Variants in ADGRA2 observed in about 807,000 individuals in gnomAD.
ADGRA2 encodes the protein adhesion G protein-coupled receptor A2.
Under a neutral mutation model 98.7 loss-of-function variants are expected in ADGRA2, and 61 were observed. The ratio of observed to expected loss-of-function variants is 0.62; its 90% CI spans 0.50 to 0.76. ADGRA2 has a LOEUF of 0.76. Ranked by LOEUF, ADGRA2 falls within the 30% of genes least tolerant of loss-of-function variation. The pLI is 0.00. For synonymous variants in ADGRA2, 858 were observed against 831.5 expected (o/e 1.03, Z -0.55); for missense variants, 1,712 against 1,860.0 (o/e 0.92, Z 1.46).
chr8:37,831,442 A>G lies in ADGRA2; in HGVS notation c.952A>G (p.Ile318Val), dbSNP rs772469906. ...CCGCAGTGAGCTGACGCTGTCTCAC[A>G]TCGGCGTGTGGGCCTCAGGCGAGTG... ...FITSELTLSH[I>V]GVWASGEWEC... is the part of the protein sequence containing the mutation. The change falls in exon 8 of 19, where the codon ATC (isoleucine) becomes GTC (valine). Residue 318 changes from isoleucine to valine, a missense_variant. Physicochemically the swap from Ile to Val is conservative, Grantham distance 29. Transcript: ENST00000412232. 6 of 1,612,150 alleles carry G rather than the reference A, an allele frequency of 3.7e-6. No homozygotes were observed. Among genetic ancestry groups the G allele is most frequent in the Non-Finnish European group, 4.2e-6 (5 of 1,180,004 alleles).
intron 2 of ADGRA2, among the ~76,000 whole-genome samples, chr8:37,817,463 A>G (rs1805013066): frequency 6.8e-6 from 1 of 146,542 alleles, no homozygotes; most frequent in Non-Finnish European, 1.5e-5. Flanking sequence ...GTAATTCCAA[A>G]GCTTTGGGAG....
Position 37,797,121 on chromosome 8 carries a change from A to C in ADGRA2, c.-148A>C. 3.2e-4 allele frequency: 121 copies of C among 376,426 alleles called. No individual in the cohort carries two copies. The highest frequency in any genetic ancestry group is 2.7e-4 in the Non-Finnish European group (68 of 252,232). 23.3% of individuals were successfully genotyped at this position (376,426 alleles called of 1,614,324 possible). A position where few individuals can be genotyped will look rare whatever the true frequency, so the allele number is the denominator to read the frequency against. The stretch of plus-strand genomic sequence containing the variant: ...ATGCCCCCGGGGCGCGGCGGCGGGG[A>C]CCCCGGGGCTCGCCTCCGCCCAGGG... On this transcript the variant is annotated 5_prime_UTR_variant, in exon 1 of 19. Transcript: ENST00000412232. The surrounding 1 kb of genome is among the most constrained non-coding windows in gnomAD (Gnocchi z 5.3).
rs778298709 is a variant in ADGRA2 at position 37,835,301 on chromosome 8, A to AC, written c.1742dup (p.Pro582ThrfsTer2). ...ACACGGCCAGGAAGCCCTGGCCAGAACCCCCCACCTGAGCCCGAGCCCCCA... is the reference window on the plus strand; with the variant it reads ...ACACGGCCAGGAAGCCCTGGCCAGAACCCCCCCACCTGAGCCCGAGCCCCCA... On this transcript the variant is annotated frameshift_variant, in exon 12 of 19. Coordinates refer to ENST00000412232, the MANE Select transcript of ADGRA2 (RefSeq NM_032777.10). LOFTEE classifies it high-confidence loss of function. 3 of 1,613,288 alleles carry AC rather than the reference A, an allele frequency of 1.9e-6. No individual in the cohort carries two copies. The highest frequency in any genetic ancestry group is 1.3e-5 in the African/African-American group (1 of 74,918).
At chr8:37,828,305 G>A (rs531353753) in intron 2 of ADGRA2, among the ~76,000 whole-genome samples, 4 of 152,106 alleles carry the variant, frequency 2.6e-5, no homozygotes, top group African/African-American at 4.8e-5. Context: ...AGGGCAGTCC[G>A]GAGGTGGGGC....
rs147886585 is a variant in ADGRA2 at position 37,821,706 on chromosome 8, TAAAGG to T, written c.338+6744_338+6748del. ...TGGCCCCCAGAGGCTCGTGCACGGC[TAAAGG>T]AAAGAGTCTGGGAAGGGGAGCCCGG... is the stretch of plus-strand genomic sequence containing the variant. On this transcript the variant is annotated intron_variant, in intron 2 of 18. Transcript: ENST00000412232. Among the ~76,000 whole-genome samples, 284 of 152,196 alleles carry T rather than the reference TAAAGG, an allele frequency of 1.9e-3. 3 individuals carry two copies. The highest frequency in any genetic ancestry group is 5.3e-3 in the Admixed American group (81 of 15,294).
In ADGRA2 at chr8:37,839,051, C is replaced by G. The variant is rs530892647; in HGVS notation, c.2355C>G (p.Phe785Leu). Residue 785 changes from phenylalanine to leucine, a missense_variant, in exon 15 of 19, where the codon TTC becomes TTG. By Grantham distance (22) the Phe-to-Leu change is conservative. Transcript: ENST00000412232. ...CGGCCTTGCTGCTGCTCTGCCTCTT[C>G]GCCACCATCATCACCTACATCCTCA... ...PCTALLLLCL[F>L]ATIITYILNH... 4.4e-5 allele frequency: 70 copies of G among 1,609,138 alleles called. No individual in the cohort carries two copies. Among genetic ancestry groups the G allele is most frequent in the Non-Finnish European group, 5.8e-5 (68 of 1,177,540 alleles).
rs1447666140 is a variant in ADGRA2, at chr8:37,797,386, T to A, written c.118T>A (p.Ser40Thr). 7.0e-7 allele frequency: 1 copy of A among 1,431,540 alleles called. No homozygotes were observed. Among genetic ancestry groups the A allele is most frequent in the Non-Finnish European group, 9.2e-7 (1 of 1,091,782 alleles). 88.7% of individuals were successfully genotyped at this position (1,431,540 alleles called of 1,614,324 possible). ...EARGAPGCPLSIRSCKCSGER... is the reference protein window; with the variant it reads ...EARGAPGCPLTIRSCKCSGER... The stretch of plus-strand genomic sequence containing the variant: ...TCGGGGCGCGCCCGGCTGCCCGCTA[T>A]CCATCCGCAGCTGCAAGTGCTCGGG... Residue 40 changes from serine (S) to threonine (T), a missense_variant, in exon 1 of 19, where the codon TCC (serine) becomes ACC (threonine). Ser to Thr is a moderately conservative substitution (Grantham distance 58, BLOSUM62 1). Coordinates refer to ENST00000412232, the MANE Select transcript of ADGRA2 (RefSeq NM_032777.10). This position sits in a 1 kb window ranked among gnomAD's most constrained non-coding sequence, Gnocchi z 5.3.
Position 37,797,567 on chromosome 8 carries a change from C to T in ADGRA2, c.266+33C>T. ...CCCTACCAGGCCAGTTCCGTCCGAG[C>T]CGGGACTGGGGACGAAGGGAGGCGA... On this transcript the variant is annotated intron_variant, in intron 1 of 18. Transcript: ENST00000412232. This position sits in a 1 kb window ranked among gnomAD's most constrained non-coding sequence, Gnocchi z 5.3. The T allele has an allele frequency of 2.3e-6, 3 of 1,332,376 alleles. No individual in the cohort carries two copies. The highest frequency in any genetic ancestry group is 2.9e-6 in the Non-Finnish European group (3 of 1,033,980). The allele number at this position is 1,332,376 out of a possible 1,614,324, so 82.5% of individuals were successfully genotyped here. A position where few individuals can be genotyped will look rare whatever the true frequency, so the allele number is the denominator to read the frequency against.
intron 2 of ADGRA2, among the ~76,000 whole-genome samples, chr8:37,820,774 C>A (rs28647853): frequency 0.011 from 1,718 of 152,018 alleles, 39 homozygotes; most frequent in African/African-American, 0.039. Flanking sequence ...GAGGGGGTCG[C>A]CTTGTTGTAC....
chr8:37,811,123 A>AC (rs1466131312), intron 1 of ADGRA2, among the ~76,000 whole-genome samples: 16 of 144,066 alleles, frequency 1.1e-4, no homozygotes, highest in South Asian at 2.2e-4. Context: ...CAAAAACAAA[A>AC]AAAAAAAAAA....
At position 37,831,431 on chromosome 8, in the gene ADGRA2, C is replaced by T. The variant is rs755608252; in HGVS notation, c.941C>T (p.Thr314Met). The T allele has an allele frequency of 6.8e-6, 11 of 1,610,962 alleles. No individual in the cohort carries two copies. Among genetic ancestry groups the T allele is most frequent in the Admixed American group, 1.7e-5 (1 of 60,000 alleles). ...HDCTFITSEL[T>M]LSHIGVWASG... ...CCACCTGCCACCCGCAGTGAGCTGA[C>T]GCTGTCTCACATCGGCGTGTGGGCC... Residue 314 changes from threonine (T) to methionine (M), a missense_variant, in exon 8 of 19, where the codon ACG (threonine) becomes ATG (methionine). Physicochemically the swap from Thr to Met is moderately conservative, Grantham distance 81. Transcript: ENST00000412232.
chr8:37,816,593 A>AAAACACAC (rs1370952985), intron 2 of ADGRA2, among the ~76,000 whole-genome samples: 6 of 131,292 alleles, frequency 4.6e-5, no homozygotes, highest in African/African-American at 1.5e-4. Context: ...CTCCGTCTCA[A>AAAACACAC]ACACACACAC....
chr8:37,837,638 C>A, intron 13 of ADGRA2, 93 bp from the exon 14 acceptor site: 1 of 1,066,656 alleles, frequency 9.4e-7, no homozygotes. Flanking sequence ...GCCTAGTACA[C>A]ACCCTGTCAC....
intron 1 of ADGRA2, among the ~76,000 whole-genome samples, chr8:37,803,909 C>T (rs986476621): frequency 1.8e-4 from 28 of 152,108 alleles, no homozygotes; most frequent in Non-Finnish European, 3.5e-4. Flanking sequence ...CCCCCTCTAC[C>T]GCCTCTGTTC....
rs1292210881 is a variant in ADGRA2 at position 37,834,677 on chromosome 8, C to T, written c.1609-497C>T. Among the ~76,000 whole-genome samples, 1 of 152,054 alleles carries T rather than the reference C, an allele frequency of 6.6e-6. No individual in the cohort carries two copies. The highest frequency in any genetic ancestry group is 1.5e-5 in the Non-Finnish European group (1 of 68,014). On this transcript the variant is annotated intron_variant, in intron 11 of 18. Coordinates refer to ENST00000412232, the MANE Select transcript of ADGRA2 (RefSeq NM_032777.10). This position sits in a 1 kb window ranked among gnomAD's most constrained non-coding sequence, Gnocchi z 4.2. ...GGGAGGCCGATACAGGAGGATCTCC[C>T]AAGGCCAGGAGTTGGAGACCAGCCT... is the stretch of plus-strand genomic sequence containing the variant.
At chr8:37,823,205 T>C (rs1805176760) in intron 2 of ADGRA2, among the ~76,000 whole-genome samples, 1 of 150,710 alleles carries the variant, frequency 6.6e-6, no homozygotes, top group African/African-American at 2.4e-5. Flanking sequence ...TTTTTTTTTT[T>C]TTTTGACAGA....
chr8:37,832,974 C>G, intron 8 of ADGRA2, 36 bp from the exon 9 acceptor site: 1 of 1,536,856 alleles, frequency 6.5e-7, no homozygotes, highest in Non-Finnish European at 9.0e-7. Context: ...TTCTGAGAAG[C>G]CCGGTTCATC....
chr8:37,842,019 C>G lies in ADGRA2; in HGVS notation c.3681C>G (p.Thr1227=), dbSNP rs1434794734. 2.6e-6 allele frequency: 4 copies of G among 1,519,508 alleles called. No individual in the cohort carries two copies. The East Asian group carries it at 7.7e-5, about 29-fold the overall frequency. 94.1% of individuals were successfully genotyped at this position (1,519,508 alleles called of 1,614,324 possible). A position where few individuals can be genotyped will look rare whatever the true frequency, so the allele number is the denominator to read the frequency against. Residue 1227 remains threonine, a synonymous_variant, in exon 19 of 19, where the codon ACC becomes ACG. Transcript: ENST00000412232. Reference sequence around the variant, plus strand: ...GCGGCAGTCTGCACAACAGCCCCACCGACAGCTACCTGGGCAGCAGCCGCA... The same window carrying G: ...GCGGCAGTCTGCACAACAGCCCCACGGACAGCTACCTGGGCAGCAGCCGCA... ...SESGSLHNSP[T]DSYLGSSRNS...
At position 37,830,645 on chromosome 8, in the gene ADGRA2, C is replaced by G. The variant is rs1185881119; in HGVS notation, c.719-65C>G. ...GCCCCACCCCATCCTGCTGGACTCT[C>G]GCTCACACGTGCAGCCTCACATGCG... On this transcript the variant is annotated intron_variant, in intron 6 of 18. Transcript: ENST00000412232. The surrounding 1 kb of genome is among the most constrained non-coding windows in gnomAD (Gnocchi z 4.8). 4.0e-6 allele frequency: 2 copies of G among 498,536 alleles called. No individual in the cohort carries two copies. The highest frequency in any genetic ancestry group is 3.6e-6 in the Non-Finnish European group (1 of 278,314). 30.9% of individuals were successfully genotyped at this position (498,536 alleles called of 1,614,324 possible).
Sources: gnomAD v4.1 joint callset for allele counts (sites outside exome capture counted in the v4.1 genomes callset) on GRCh38, gnomAD v4.1.1 for gene constraint, Gnocchi (gnomAD v3.1) non-coding constraint, MANE v1.5 for transcripts, NCBI Gene and HGNC (gene_info 2026-07-23, HGNC 2026-07-21) for gene names.